The following SGCD variants were observed in gnomAD, a reference collection of about 807,000 sequenced individuals.
The protein encoded by SGCD is delta-sarcoglycan.
Under a neutral mutation model 36.6 loss-of-function variants are expected in SGCD, and 18 were observed. The observed-to-expected ratio is 0.49, with a 90% CI of 0.34 to 0.73. SGCD has a LOEUF of 0.73. Ranked by LOEUF, SGCD falls within the 30% of genes least tolerant of loss-of-function variation. SGCD has a pLI of 0.01. For synonymous variants in SGCD, 133 were observed against 130.6 expected, an observed-to-expected ratio of 1.02 and a Z score of -0.12; for missense variants, 387 against 346.7, an observed-to-expected ratio of 1.12 and a Z score of -0.92.
intron 4 of SGCD, among the ~76,000 whole-genome samples, chr5:156,566,410 C>G (rs1164684990): frequency 1.3e-5 from 2 of 152,114 alleles, no homozygotes; most frequent in Admixed American, 1.3e-4. Context: ...AGCATGTCAT[C>G]AAATCCCTGG....
chr5:156,061,332 GA>G (rs1294446082), intron 1 of SGCD, among the ~76,000 whole-genome samples: 2 of 145,954 alleles, frequency 1.4e-5, no homozygotes, highest in Admixed American at 1.4e-4. Context: ...CTAGACAAAA[GA>G]AACAGAGACA....
chr5:155,907,728 C>T (rs1277462907), intron 1 of SGCD, among the ~76,000 whole-genome samples: 1 of 152,052 alleles, frequency 6.6e-6, no homozygotes, highest in East Asian at 1.9e-4. Flanking sequence ...GAAAGTGGTT[C>T]CTTGAAATGG....
chr5:155,777,679 AC>A, the SGCD span, among the ~76,000 whole-genome samples: 13 of 151,894 alleles, frequency 8.6e-5, no homozygotes, highest in East Asian at 2.1e-3. Flanking sequence ...AAACCACCAA[AC>A]CCACCACTGT....
At chr5:156,048,339 G>A (rs887205324) in intron 1 of SGCD, among the ~76,000 whole-genome samples, 22 of 152,300 alleles carry the variant, frequency 1.4e-4, no homozygotes, top group Non-Finnish European at 2.6e-4. Flanking sequence ...TATATACCCA[G>A]TAATGAGATG....
the SGCD span, among the ~76,000 whole-genome samples, chr5:155,756,945 G>C: frequency 3.1e-4 from 47 of 152,250 alleles, 1 homozygote; most frequent in South Asian, 4.6e-3. Flanking sequence ...TTTGTCTCAG[G>C]CTCCTGGGAT....
At chr5:156,670,469 C>T (rs1753241761) in intron 7 of SGCD, among the ~76,000 whole-genome samples, 1 of 152,150 alleles carries the variant, frequency 6.6e-6, no homozygotes, top group South Asian at 2.1e-4. Flanking sequence ...TTTTTTTCCC[C>T]TCAGTGGGAT....
intron 3 of SGCD, among the ~76,000 whole-genome samples, chr5:156,401,309 A>G (rs1772132065): frequency 6.6e-6 from 1 of 152,230 alleles, no homozygotes; most frequent in South Asian, 2.1e-4. Context: ...CATGGGCTAT[A>G]TTAACAATTA....
intron 7 of SGCD, among the ~76,000 whole-genome samples, chr5:156,670,163 A>G (rs574609041): frequency 9.1e-4 from 139 of 152,328 alleles, no homozygotes; most frequent in Non-Finnish European, 1.7e-3. Flanking sequence ...AAAAAACCCA[A>G]AAAGATAAAA....
At chr5:156,285,486 A>G (rs1274108452) in intron 3 of SGCD, among the ~76,000 whole-genome samples, 1 of 152,226 alleles carries the variant, frequency 6.6e-6, no homozygotes, top group Admixed American at 6.5e-5. Context: ...ATATAGATCA[A>G]TGGAACAGAA....
At chr5:155,870,673 C>A (rs1334822090) in intron 1 of SGCD, among the ~76,000 whole-genome samples, 1 of 152,170 alleles carries the variant, frequency 6.6e-6, no homozygotes, top group Non-Finnish European at 1.5e-5. Context: ...TGAATACCAA[C>A]TCTTTAGACT....
chr5:156,581,367 A>G (rs544977525), intron 4 of SGCD, among the ~76,000 whole-genome samples: 11 of 152,252 alleles, frequency 7.2e-5, no homozygotes, highest in African/African-American at 1.9e-4. Flanking sequence ...GTTAGGCTAC[A>G]TGGGGTTCAG....
At chr5:156,188,217 G>A (rs1017765793) in intron 3 of SGCD, among the ~76,000 whole-genome samples, 5 of 152,112 alleles carry the variant, frequency 3.3e-5, no homozygotes, top group African/African-American at 1.2e-4. Flanking sequence ...TGTGTGCCTG[G>A]CGTTATTCCA....
In SGCD at chr5:156,164,652, G is replaced by C. The variant is rs7731355; in HGVS notation, c.-44+40633G>C. ...AATGGATCTTGGATTTTATTTCGAAGTGAGTATCGAACCCAAATGTCAGTG... is the reference window on the plus strand; with the variant it reads ...AATGGATCTTGGATTTTATTTCGAACTGAGTATCGAACCCAAATGTCAGTG... On this transcript the variant is annotated intron_variant, in intron 3 of 9. Coordinates refer to the SGCD transcript ENST00000517913. Among the ~76,000 whole-genome samples, 1,331 of 152,322 alleles carry C rather than the reference G, an allele frequency of 8.7e-3. 13 individuals are homozygous for C. The highest frequency in any genetic ancestry group is 0.031 in the African/African-American group (1,281 of 41,562).
At chr5:156,657,587 A>G (rs1179103410) in intron 7 of SGCD, among the ~76,000 whole-genome samples, 1 of 151,356 alleles carries the variant, frequency 6.6e-6, no homozygotes, top group East Asian at 2.0e-4. Context: ...CCATGGTGAA[A>G]CCCCATCTCT....
At chr5:156,060,175 C>T (rs1012513593) in intron 1 of SGCD, among the ~76,000 whole-genome samples, 16 of 146,434 alleles carry the variant, frequency 1.1e-4, no homozygotes, top group African/African-American at 3.9e-4. Context: ...TCATTAACAT[C>T]CTGTCCTATA....
intron 3 of SGCD, among the ~76,000 whole-genome samples, chr5:156,404,285 G>A (rs1003305935): frequency 7.9e-5 from 12 of 152,116 alleles, no homozygotes; most frequent in South Asian, 2.1e-4. Context: ...TACTATCTTC[G>A]ATGCAGAGCT....
chr5:156,004,150 TC>T (rs1758713877), intron 1 of SGCD, among the ~76,000 whole-genome samples: 1 of 152,168 alleles, frequency 6.6e-6, no homozygotes, highest in African/African-American at 2.4e-5. Flanking sequence ...GTTATGCCAG[TC>T]CTTATTTCAG....
intron 2 of SGCD, among the ~76,000 whole-genome samples, chr5:156,120,784 G>C (rs1762018749): frequency 6.6e-6 from 1 of 152,116 alleles, no homozygotes; most frequent in Admixed American, 6.6e-5. Flanking sequence ...CATTTGGATA[G>C]ACTTGAGACT....
At chr5:156,443,169 G>A (rs1156725217) in intron 3 of SGCD, among the ~76,000 whole-genome samples, 1 of 151,992 alleles carries the variant, frequency 6.6e-6, no homozygotes, top group African/African-American at 2.4e-5. Context: ...ATTTTCAGTA[G>A]AGACAGGGTT....
Sources: allele counts gnomAD v4.1 joint callset (sites outside exome capture counted in the v4.1 genomes callset), GRCh38; gene constraint gnomAD v4.1.1; transcripts MANE v1.5; gene names NCBI Gene and HGNC (gene_info 2026-07-23, HGNC 2026-07-21).